The following SLC28A3 variants were observed in gnomAD, a reference collection of about 807,000 sequenced individuals.
SLC28A3 encodes concentrative Na(+)-nucleoside cotransporter 3.
In SLC28A3, 68 loss-of-function variants were observed where a neutral mutation model predicts 84.2. The ratio of observed to expected loss-of-function variants is 0.81; its 90% CI spans 0.66 to 0.99. The LOEUF (loss-of-function observed/expected upper bound fraction) is 0.99, where lower values mean the gene tolerates loss of function less well. SLC28A3 is among the 50% of genes least tolerant of loss of function. The probability of loss-of-function intolerance (pLI) is 0.00; values close to 1 mark genes in which losing one functional copy is unlikely to be tolerated. For synonymous variants in SLC28A3, 267 were observed against 303.6 expected (o/e 0.88, Z 1.25); for missense variants, 712 against 841.5 (o/e 0.85, Z 1.90).
intron 1 of SLC28A3, among the ~76,000 whole-genome samples, chr9:84,321,600 G>A (rs1271363248): frequency 6.6e-6 from 1 of 151,696 alleles, no homozygotes; most frequent in Non-Finnish European, 1.5e-5. Context: ...CAGGCGTGGT[G>A]GCAGGCGCCT....
At chr9:84,291,339 T>G (rs1018726878) in intron 10 of SLC28A3, among the ~76,000 whole-genome samples, 1 of 144,766 alleles carries the variant, frequency 6.9e-6, no homozygotes, top group Non-Finnish European at 1.5e-5. Flanking sequence ...TAAGCATAGG[T>G]TTTTTTTCTT....
At chr9:84,292,436 T>G (rs1825261121) in intron 10 of SLC28A3, among the ~76,000 whole-genome samples, 1 of 146,258 alleles carries the variant, frequency 6.8e-6, no homozygotes, top group South Asian at 2.1e-4. Context: ...TTAAAAGGAA[T>G]TTCTCTCTGT....
chr9:84,333,334 G>A (rs1826857105), intron 1 of SLC28A3, among the ~76,000 whole-genome samples: 2 of 152,134 alleles, frequency 1.3e-5, no homozygotes, highest in African/African-American at 2.4e-5. Context: ...GAAGCGTGTA[G>A]CTTTTCATCT....
chr9:84,278,727 GC>G (rs1458707864), intron 17 of SLC28A3, among the ~76,000 whole-genome samples: 1 of 152,132 alleles, frequency 6.6e-6, no homozygotes, highest in Non-Finnish European at 1.5e-5. Flanking sequence ...TGTCTGGACA[GC>G]CTGGATCCCC....
intron 1 of SLC28A3, among the ~76,000 whole-genome samples, chr9:84,314,284 C>T (rs768837638): frequency 1.3e-5 from 2 of 152,128 alleles, no homozygotes; most frequent in Non-Finnish European, 2.9e-5. Flanking sequence ...ATAGGGCCGT[C>T]CGGACCCCTC....
chr9:84,354,933 A>G, the SLC28A3 span, among the ~76,000 whole-genome samples: 1 of 152,208 alleles, frequency 6.6e-6, no homozygotes, highest in Non-Finnish European at 1.5e-5. Context: ...AAGCATTTAT[A>G]TTGTTCATAA....
the SLC28A3 span, among the ~76,000 whole-genome samples, chr9:84,361,169 C>A: frequency 2.0e-5 from 3 of 152,108 alleles, no homozygotes; most frequent in Non-Finnish European, 4.4e-5. Flanking sequence ...CATGGTGAAA[C>A]CCCGTCTCTA....
the SLC28A3 span, among the ~76,000 whole-genome samples, chr9:84,359,536 G>T: frequency 2.4e-4 from 36 of 152,316 alleles, no homozygotes; most frequent in Admixed American, 1.7e-3. Context: ...AAAAGGTACA[G>T]AACAGTATTT....
At chr9:84,356,391 T>G in the SLC28A3 span, among the ~76,000 whole-genome samples, 16 of 152,108 alleles carry the variant, frequency 1.1e-4, no homozygotes, top group Non-Finnish European at 5.9e-5. Flanking sequence ...ATCTGTGGCC[T>G]ATGGGGAGAA....
At position 84,299,733 on chromosome 9, in the gene SLC28A3, A is replaced by G. The variant is rs774867571; in HGVS notation, c.525-8T>C. 1.9e-6 allele frequency: 3 copies of G among 1,573,966 alleles called. No individual in the cohort carries two copies. The Admixed American group carries it at 6.2e-5, about 32-fold the overall frequency. ...AGGGAGCTCCAGATCACCCTAAGAG[A>G]AGGGGAAAGGAGGCATTGGCATCAT... is the stretch of plus-strand genomic sequence containing the variant. On this transcript the variant is annotated splice_polypyrimidine_tract_variant and splice_region_variant and intron_variant, in intron 5 of 17. Coordinates refer to ENST00000376238, the MANE Select transcript of SLC28A3 (RefSeq NM_001199633.2).
In SLC28A3 at chr9:84,312,858, G is replaced by T. The variant is rs115646986; in HGVS notation, c.156+501C>A. Among the ~76,000 whole-genome samples the T allele has an allele frequency of 4.7e-3, 700 of 150,260 alleles. 2 individuals carry two copies. The highest frequency in any genetic ancestry group is 0.016 in the African/African-American group (660 of 40,828). ...CCGGCCCTGAATTACCTTTTAAGGG[G>T]TGACCTACATGGGTAATTTGTTCAC... On this transcript the variant is annotated intron_variant, in intron 2 of 17. Transcript: ENST00000376238.
In SLC28A3 at chr9:84,285,365, C is replaced by G. The variant is rs746507834; in HGVS notation, c.1627G>C (p.Gly543Arg). 4.3e-6 allele frequency: 7 copies of G among 1,613,872 alleles called. No individual in the cohort carries two copies. The South Asian group carries it at 5.5e-5, about 13-fold the overall frequency. ...CTCACTGATATATATTGCTGCACAC[C>G]GTTTACAAATTTGGGTCCACCTTCT... ...RKEGGPKFVN[G>R]VQQYISIRSE... Residue 543 changes from glycine (G) to arginine (R), a missense_variant, in exon 14 of 18, where the codon GGT (glycine) becomes CGT (arginine). Physicochemically the swap from Gly to Arg is moderately radical, Grantham distance 125 (BLOSUM62 -2). Transcript: ENST00000376238.
At chr9:84,292,131 C>T (rs546696294) in intron 10 of SLC28A3, among the ~76,000 whole-genome samples, 13 of 152,278 alleles carry the variant, frequency 8.5e-5, no homozygotes, top group Middle Eastern at 6.8e-3. Flanking sequence ...CAAGTATTTA[C>T]GCAGTTGCAT....
chr9:84,319,219 A>T (rs1826278880), intron 1 of SLC28A3, among the ~76,000 whole-genome samples: 1 of 152,260 alleles, frequency 6.6e-6, no homozygotes, highest in Non-Finnish European at 1.5e-5. Flanking sequence ...ATCCATCTTC[A>T]TCACTTTAAT....
At chr9:84,364,980 A>G in the SLC28A3 span, among the ~76,000 whole-genome samples, 1 of 152,216 alleles carries the variant, frequency 6.6e-6, no homozygotes, top group Non-Finnish European at 1.5e-5. Context: ...TGCAACAAAC[A>G]TGTGAGTGCC....
Position 84,321,340 on chromosome 9 carries a change from G to A in SLC28A3, c.61-7886C>T, listed in dbSNP as rs112891613. Among the ~76,000 whole-genome samples the A allele has an allele frequency of 6.2e-3, 940 of 152,130 alleles. 5 individuals carry two copies. Among genetic ancestry groups the A allele is most frequent in the African/African-American group, 0.02 (829 of 41,502 alleles). On this transcript the variant is annotated intron_variant, in intron 1 of 17. Transcript: ENST00000376238. ...TCAGACTGCAAGGTGATTATAGATT[G>A]TTTTTTGTTTATAAAAATGCTTTCA...
Position 84,288,031 on chromosome 9 carries a change from G to C in SLC28A3, c.1280+17C>G. ...CGGCTTGGGTAGTCATTAATTAGGT[G>C]AATGTGTCACACTTACCCACTTTCC... On this transcript the variant is annotated intron_variant, in intron 12 of 17. Coordinates refer to ENST00000376238, the MANE Select transcript of SLC28A3 (RefSeq NM_001199633.2). 1 of 1,613,534 alleles carries C rather than the reference G, an allele frequency of 6.2e-7. No individual in the cohort carries two copies. Among genetic ancestry groups the C allele is most frequent in the Non-Finnish European group, 8.5e-7 (1 of 1,179,660 alleles).
chr9:84,294,255 G>GA lies in SLC28A3; in HGVS notation c.881dup (p.Phe295LeufsTer19). On this transcript the variant is annotated frameshift_variant, in exon 9 of 18. Coordinates refer to ENST00000376238, the MANE Select transcript of SLC28A3 (RefSeq NM_001199633.2). LOFTEE classifies it high-confidence loss of function. The stretch of plus-strand genomic sequence containing the variant: ...ACAGCATGGACATCACAGTGCTGAA[G>GA]AAAACCACGATCGGCAGGACCTGTG... 1 of 1,614,158 alleles carries GA rather than the reference G, an allele frequency of 6.2e-7. No homozygotes were observed. The highest frequency in any genetic ancestry group is 8.5e-7 in the Non-Finnish European group (1 of 1,179,992).
chr9:84,344,086 CT>C, upstream of SLC28A3, among the ~76,000 whole-genome samples: 1 of 151,954 alleles, frequency 6.6e-6, no homozygotes, highest in Non-Finnish European at 1.5e-5. Context: ...ATAACAGTAC[CT>C]GAGGACTAAG....
Sources: allele counts gnomAD v4.1 joint callset (sites outside exome capture counted in the v4.1 genomes callset), GRCh38; gene constraint gnomAD v4.1.1; transcripts MANE v1.5; gene names NCBI Gene and HGNC (gene_info 2026-07-23, HGNC 2026-07-21).